ARHGAP26: variants seen among roughly 807,000 people sequenced by gnomAD.
The protein encoded by ARHGAP26 is Rho GTPase activating protein 26.
In ARHGAP26, 38 loss-of-function variants were observed where a neutral mutation model predicts 104.8. The ratio of observed to expected loss-of-function variants is 0.36; its 90% CI spans 0.28 to 0.48. The LOEUF (loss-of-function observed/expected upper bound fraction) is 0.48. Ranked by LOEUF, ARHGAP26 falls within the 20% of genes least tolerant of loss-of-function variation. The pLI is 0.99. For synonymous variants in ARHGAP26, 341 were observed against 340.0 expected (o/e 1.00, Z -0.03); for missense variants, 704 against 947.9 (o/e 0.74, Z 3.38).
chr5:142,890,154 ATATATATATATATAT>A lies in ARHGAP26; in HGVS notation c.487-4083_487-4069del, dbSNP rs1562024046. Among the ~76,000 whole-genome samples, 28 of 46,218 alleles carry A rather than the reference ATATATATATATATAT, an allele frequency of 6.1e-4. 1 individual carries two copies. Among genetic ancestry groups the A allele is most frequent in the South Asian group, 6.1e-3 (8 of 1,322 alleles). 30.3% of individuals were successfully genotyped at this position (46,218 alleles called of 152,430 possible). ...TCCGTCTTAAAAAAAAAAAAAAAAT[ATATATATATATATAT>A]ATATATATATATATATATATATATA... On this transcript the variant is annotated intron_variant, in intron 5 of 22. Transcript: ENST00000645722.
intron 20 of ARHGAP26, among the ~76,000 whole-genome samples, chr5:143,198,799 TTTTA>T (rs1238217086): frequency 6.6e-6 from 1 of 152,234 alleles, no homozygotes; most frequent in African/African-American, 2.4e-5. Context: ...TCAGAAATTA[TTTTA>T]TTTGTGTAAA....
chr5:142,798,774 C>T (rs1761492216), intron 1 of ARHGAP26, among the ~76,000 whole-genome samples: 1 of 152,178 alleles, frequency 6.6e-6, no homozygotes. Flanking sequence ...CCATGCTTCT[C>T]CTTTTTCTAC....
intron 1 of ARHGAP26, among the ~76,000 whole-genome samples, chr5:142,815,458 A>G (rs1470874326): frequency 6.6e-6 from 1 of 152,270 alleles, no homozygotes; most frequent in Non-Finnish European, 1.5e-5. Flanking sequence ...TTAAATGGAA[A>G]AGAGTATTTT....
At chr5:142,930,434 C>T (rs1234175709) in intron 10 of ARHGAP26, among the ~76,000 whole-genome samples, 1 of 152,096 alleles carries the variant, frequency 6.6e-6, no homozygotes, top group African/African-American at 2.4e-5. Flanking sequence ...GGAAGGTGCT[C>T]ATGGAGAGAA....
intron 20 of ARHGAP26, among the ~76,000 whole-genome samples, chr5:143,189,068 G>A (rs973025320): frequency 6.6e-6 from 1 of 152,178 alleles, no homozygotes; most frequent in Non-Finnish European, 1.5e-5. Flanking sequence ...GCTTTACCAA[G>A]AAACAATTTC....
chr5:142,902,283 A>G (rs1261819128), intron 7 of ARHGAP26, among the ~76,000 whole-genome samples: 1 of 152,114 alleles, frequency 6.6e-6, no homozygotes, highest in Admixed American at 6.5e-5. Flanking sequence ...GCTGCTGGTT[A>G]TGTTTCAAAT....
chr5:143,054,221 A>C (rs566077062), intron 14 of ARHGAP26, among the ~76,000 whole-genome samples: 5 of 152,376 alleles, frequency 3.3e-5, no homozygotes, highest in African/African-American at 1.2e-4. Context: ...TCCTGCTGCC[A>C]GCAGGATAGG....
intron 11 of ARHGAP26, among the ~76,000 whole-genome samples, chr5:143,001,055 A>G (rs1777128236): frequency 6.6e-6 from 1 of 152,186 alleles, no homozygotes; most frequent in Non-Finnish European, 1.5e-5. Context: ...ATTTATGCTG[A>G]GTGAAACAGA....
intron 17 of ARHGAP26, among the ~76,000 whole-genome samples, chr5:143,098,688 T>C (rs544955248): frequency 6.6e-6 from 1 of 152,344 alleles, no homozygotes; most frequent in South Asian, 2.1e-4. Flanking sequence ...TGTTCTTTCT[T>C]AGCTAGGTGA....
At chr5:143,084,225 C>T (rs1315249807) in intron 17 of ARHGAP26, among the ~76,000 whole-genome samples, 3 of 152,190 alleles carry the variant, frequency 2.0e-5, no homozygotes, top group South Asian at 4.1e-4. Flanking sequence ...GCCATTAAAA[C>T]TTAATCCTAG....
At chr5:142,814,874 T>G (rs1764792967) in intron 1 of ARHGAP26, among the ~76,000 whole-genome samples, 1 of 152,222 alleles carries the variant, frequency 6.6e-6, no homozygotes, top group African/African-American at 2.4e-5. Context: ...CAATGCTCAA[T>G]AGTTATTAGC....
At chr5:143,211,929 CT>C (rs1175774509) in intron 21 of ARHGAP26, among the ~76,000 whole-genome samples, 1 of 152,162 alleles carries the variant, frequency 6.6e-6, no homozygotes, top group African/African-American at 2.4e-5. Context: ...TGGAATGTTA[CT>C]CCTTTTGAAT....
chr5:143,039,510 C>T (rs12518688), intron 13 of ARHGAP26, among the ~76,000 whole-genome samples: 88,180 of 151,806 alleles, frequency 0.58, 27,321 homozygotes, highest in Non-Finnish European at 0.7. Context: ...CACGGTCTAA[C>T]TTTCAACAGG....
At chr5:142,818,159 CT>C (rs1321823547) in intron 1 of ARHGAP26, among the ~76,000 whole-genome samples, 1 of 151,770 alleles carries the variant, frequency 6.6e-6, no homozygotes, top group Non-Finnish European at 1.5e-5. Context: ...GGAAGTGTAT[CT>C]TTCCTTCCAC....
intron 11 of ARHGAP26, among the ~76,000 whole-genome samples, chr5:142,943,295 G>A (rs574869042): frequency 2.6e-5 from 4 of 152,158 alleles, no homozygotes; most frequent in Non-Finnish European, 5.9e-5. Context: ...ATCCATTCAG[G>A]CTGCTATCAC....
intron 11 of ARHGAP26, among the ~76,000 whole-genome samples, chr5:142,949,848 A>T (rs1472472123): frequency 6.6e-6 from 1 of 152,222 alleles, no homozygotes; most frequent in Non-Finnish European, 1.5e-5. Flanking sequence ...TGGCATATGG[A>T]CTTGCTAAGG....
intron 19 of ARHGAP26, among the ~76,000 whole-genome samples, chr5:143,139,873 G>A (rs1271696036): frequency 3.3e-5 from 5 of 152,334 alleles, no homozygotes; most frequent in African/African-American, 1.2e-4. Flanking sequence ...TTTTCTGGAC[G>A]ACTGTAGAAG....
At position 142,770,464 on chromosome 5, in the gene ARHGAP26, C is replaced by G. The variant is rs977510655; in HGVS notation, c.-298C>G. ...AGCGAAGGAGGCGGGGAGGCGGCGT[C>G]TGCACTCGCTCGCCCGCTCGCTCGC... On this transcript the variant is annotated 5_prime_UTR_variant, in exon 1 of 23. Coordinates refer to ENST00000645722, the MANE Select transcript of ARHGAP26 (RefSeq NM_001135608.3). 1 of 192,578 alleles carries G rather than the reference C, an allele frequency of 5.2e-6. No homozygotes were observed. The highest frequency in any genetic ancestry group is 2.4e-5 in the African/African-American group (1 of 42,404). 11.9% of individuals were successfully genotyped at this position (192,578 alleles called of 1,614,324 possible).
intron 17 of ARHGAP26, among the ~76,000 whole-genome samples, chr5:143,101,584 G>T (rs1793239845): frequency 6.6e-6 from 1 of 151,126 alleles, no homozygotes; most frequent in Non-Finnish European, 1.5e-5. Context: ...GTGCTTTGGT[G>T]TTTGTCAGAT....
Sources: allele counts gnomAD v4.1 joint callset (sites outside exome capture counted in the v4.1 genomes callset), GRCh38; gene constraint gnomAD v4.1.1; transcripts MANE v1.5; gene names NCBI Gene and HGNC (gene_info 2026-07-23, HGNC 2026-07-21).